BAZ1A: variants seen among roughly 807,000 people sequenced by gnomAD.
BAZ1A encodes the protein bromodomain adjacent to zinc finger domain 1A, also known as bromodomain adjacent to zinc finger domain protein 1A.
Under a neutral mutation model 185.2 loss-of-function variants are expected in BAZ1A, and 50 were observed. The observed-to-expected ratio is 0.27, with a 90% confidence interval of 0.22 to 0.34. The LOEUF is 0.34. Ranked by LOEUF, BAZ1A falls within the 10% of genes least tolerant of loss-of-function variation. The pLI, the probability that BAZ1A is intolerant of heterozygous loss-of-function variation, is 1.00. For synonymous variants in BAZ1A, 571 were observed against 615.6 expected (o/e 0.93, Z 1.07); for missense variants, 1,356 against 1,839.9 (o/e 0.74, Z 4.81).
intron 3 of BAZ1A, among the ~76,000 whole-genome samples, chr14:34,837,852 G>A (rs903896369): frequency 6.6e-6 from 1 of 152,128 alleles, no homozygotes. Context: ...TTACAGCAAG[G>A]TTAACATTTT....
rs551377754 is a variant in BAZ1A at position 34,756,054 on chromosome 14, T to C, written c.4387-1140A>G. On this transcript the variant is annotated intron_variant, in intron 25 of 26. Coordinates refer to ENST00000360310, the MANE Select transcript of BAZ1A (RefSeq NM_013448.3). ...CAAGGTTTGACCATGTTGGTTAGGC[T>C]GGTCTCAAACTCCTGGGCTCAAGCG... Among the ~76,000 whole-genome samples the C allele has an allele frequency of 1.5e-4, 23 of 151,222 alleles. No individual in the cohort carries two copies. In the South Asian group the frequency reaches 4.8e-3, roughly 32 times the overall value.
chr14:34,848,455 T>A (rs974514925), intron 3 of BAZ1A, among the ~76,000 whole-genome samples: 3 of 151,986 alleles, frequency 2.0e-5, no homozygotes, highest in African/African-American at 7.3e-5. Flanking sequence ...ATACAAAAAT[T>A]AGCCGGGCAT....
At chr14:34,766,380 A>G (rs1336037611) in intron 21 of BAZ1A, among the ~76,000 whole-genome samples, 1 of 152,184 alleles carries the variant, frequency 6.6e-6, no homozygotes, top group African/African-American at 2.4e-5. Context: ...AGAAATACAC[A>G]ATGAGTTAAA....
chr14:34,759,429 G>T (rs2073146080), intron 24 of BAZ1A, among the ~76,000 whole-genome samples: 3 of 151,914 alleles, frequency 2.0e-5, no homozygotes. Flanking sequence ...GTGATCTCCT[G>T]ACCTCGTGAT....
rs1360759034 is a variant in BAZ1A, at chr14:34,849,275, A to C, written c.392+12769T>G. On this transcript the variant is annotated intron_variant, in intron 3 of 26. Coordinates refer to ENST00000360310, the MANE Select transcript of BAZ1A (RefSeq NM_013448.3). ...ATTCCAGACTAGGTGACAGAGTGAG[A>C]CTGTCTCTCAAAAGAGGGGAAAAAG... Among the ~76,000 whole-genome samples, 3 of 152,178 alleles carry C rather than the reference A, an allele frequency of 2.0e-5. No homozygotes were observed. In the South Asian group the frequency reaches 6.2e-4, roughly 32 times the overall value.
At chr14:34,850,838 G>A (rs749808432) in intron 3 of BAZ1A, among the ~76,000 whole-genome samples, 8 of 151,984 alleles carry the variant, frequency 5.3e-5, no homozygotes, top group East Asian at 1.9e-4. Flanking sequence ...TCACAGACCC[G>A]GAAGATATCT....
chr14:34,864,869 C>G (rs1265221458), intron 2 of BAZ1A, among the ~76,000 whole-genome samples: 1 of 151,874 alleles, frequency 6.6e-6, no homozygotes, highest in African/African-American at 2.4e-5. Flanking sequence ...CTCCGCCTCC[C>G]AGGTTCAAGG....
intron 7 of BAZ1A, among the ~76,000 whole-genome samples, chr14:34,802,577 T>G (rs987623116): frequency 6.6e-6 from 1 of 152,254 alleles, no homozygotes; most frequent in Admixed American, 6.5e-5. Flanking sequence ...CCATAGTTTA[T>G]TCCCTGCTTT....
intron 3 of BAZ1A, among the ~76,000 whole-genome samples, chr14:34,850,975 G>T (rs1200521973): frequency 1.3e-5 from 2 of 152,100 alleles, no homozygotes; most frequent in East Asian, 3.9e-4. Flanking sequence ...TAACCATTTT[G>T]ATATCTACTT....
chr14:34,806,610 TGA>T (rs1428288901), intron 6 of BAZ1A, among the ~76,000 whole-genome samples: 1 of 152,216 alleles, frequency 6.6e-6, no homozygotes, highest in Non-Finnish European at 1.5e-5. Context: ...AAAATTACTT[TGA>T]GTTTTACCAT....
At chr14:34,815,224 G>T (rs2041988909) in intron 4 of BAZ1A, among the ~76,000 whole-genome samples, 1 of 151,932 alleles carries the variant, frequency 6.6e-6, no homozygotes, top group African/African-American at 2.4e-5. Context: ...TTCTTACTGG[G>T]GCTTTGCTAT....
intron 3 of BAZ1A, among the ~76,000 whole-genome samples, chr14:34,827,909 C>T (rs2138720312): frequency 6.6e-6 from 1 of 152,170 alleles, no homozygotes; most frequent in African/African-American, 2.4e-5. Context: ...TATTTACTAA[C>T]TCTATCACCC....
intron 3 of BAZ1A, among the ~76,000 whole-genome samples, chr14:34,859,345 G>A (rs769274161): frequency 2.6e-5 from 4 of 151,250 alleles, no homozygotes; most frequent in Non-Finnish European, 4.4e-5. Flanking sequence ...GAGGCGGGAT[G>A]ACTGCTTGAG....
In BAZ1A at chr14:34,875,017, G is replaced by T. The variant is rs538590029; in HGVS notation, c.-59+121C>A. On this transcript the variant is annotated intron_variant, in intron 1 of 26. Transcript: ENST00000360310. ...CAACGTGCTCGGCGCGCAGCTGGCC[G>T]GCCGGCCAGCCCAACGCCGCCAGAG... is the stretch of plus-strand genomic sequence containing the variant. The T allele has an allele frequency of 5.8e-3, 938 of 162,392 alleles. 17 individuals are homozygous for T. The highest frequency in any genetic ancestry group is 0.022 in the African/African-American group (904 of 41,176). 10.1% of individuals were successfully genotyped at this position (162,392 alleles called of 1,614,324 possible).
chr14:34,833,665 A>G (rs1422306123), intron 3 of BAZ1A, among the ~76,000 whole-genome samples: 1 of 152,122 alleles, frequency 6.6e-6, no homozygotes, highest in African/African-American at 2.4e-5. Context: ...AGAACATAGA[A>G]TAAAGGTTAC....
At chr14:34,771,946 CTT>C (rs1481541584) in intron 20 of BAZ1A, among the ~76,000 whole-genome samples, 4 of 151,378 alleles carry the variant, frequency 2.6e-5, no homozygotes, top group Non-Finnish European at 4.4e-5. Context: ...CTCTATTTCT[CTT>C]GTTTTGCCCT....
chr14:34,761,676 A>G lies in BAZ1A; in HGVS notation c.4243+81T>C, dbSNP rs906812506. On this transcript the variant is annotated intron_variant, in intron 24 of 26. Coordinates refer to ENST00000360310, the MANE Select transcript of BAZ1A (RefSeq NM_013448.3). ...GTATCTTAGTGACAGACTTTAAAAA[A>G]TGATCCAAAGTATCTCAACATTCGA... 2.1e-5 allele frequency: 27 copies of G among 1,281,086 alleles called. No homozygotes were observed. The African/African-American group carries it at 3.9e-4, about 18-fold the overall frequency. The allele number at this position is 1,281,086 out of a possible 1,614,324, so 79.4% of individuals were successfully genotyped here.
At chr14:34,816,912 T>C (rs1381182662) in intron 4 of BAZ1A, 1 of 352,278 alleles carries the variant, frequency 2.8e-6, no homozygotes, top group East Asian at 8.7e-5. Context: ...GATATTTACA[T>C]ATAAATTTTC....
chr14:34,764,788 T>C lies in BAZ1A; in HGVS notation c.3695A>G (p.Asp1232Gly). ...MGGEDDEVDGDEEEGQSEEEE... is the reference protein window; with the variant it reads ...MGGEDDEVDGGEEEGQSEEEE... ...CTCCTCACTTTGACCTTCTTCTTCA[T>C]CGCCATCAACTTCATCATCCTCACC... The change falls in exon 23 of 27, where the codon GAT becomes GGT. Residue 1232 changes from aspartate to glycine, a missense_variant. Asp to Gly is a moderately conservative substitution (Grantham distance 94, BLOSUM62 -1). Transcript: ENST00000360310. 1 of 1,611,816 alleles carries C rather than the reference T, an allele frequency of 6.2e-7. No homozygotes were observed. The highest frequency in any genetic ancestry group is 8.5e-7 in the Non-Finnish European group (1 of 1,177,892).
Sources: gnomAD v4.1 joint callset for allele counts (sites outside exome capture counted in the v4.1 genomes callset) on GRCh38, gnomAD v4.1.1 for gene constraint, MANE v1.5 for transcripts, NCBI Gene and HGNC (gene_info 2026-07-23, HGNC 2026-07-21) for gene names.